FBXO38: variants seen among roughly 807,000 people sequenced by gnomAD.
FBXO38 encodes F-box protein 38.
In FBXO38, 53 loss-of-function variants were observed where a neutral mutation model predicts 131.9. The observed-to-expected ratio is 0.40, with a 90% CI of 0.32 to 0.51. FBXO38 has a LOEUF of 0.51. Ranked by LOEUF, FBXO38 falls within the 20% of genes least tolerant of loss-of-function variation. The pLI is 0.53. For synonymous variants in FBXO38, 452 were observed against 505.6 expected (o/e 0.89, Z 1.42); for missense variants, 1,076 against 1,475.6 (o/e 0.73, Z 4.44).
At chr5:148,436,653 G>T (rs1754362111) in intron 17 of FBXO38, among the ~76,000 whole-genome samples, 1 of 152,056 alleles carries the variant, frequency 6.6e-6, no homozygotes, top group Admixed American at 6.5e-5. Flanking sequence ...CCCATTAAAA[G>T]GTATTTACCA....
At chr5:148,425,726 T>C in intron 14 of FBXO38, 25 bp downstream of exon 14, 2 of 1,598,450 alleles carry the variant, frequency 1.3e-6, no homozygotes, top group Non-Finnish European at 1.7e-6. Flanking sequence ...TTCTCTGAAC[T>C]ATTAATGAGA....
chr5:148,403,073 T>C (rs1752251550), intron 5 of FBXO38, among the ~76,000 whole-genome samples: 1 of 152,134 alleles, frequency 6.6e-6, no homozygotes, highest in Non-Finnish European at 1.5e-5. Context: ...AGTAAAGATT[T>C]CTAGCAACCC....
chr5:148,428,507 G>T (rs997347422), intron 15 of FBXO38, among the ~76,000 whole-genome samples: 2 of 152,168 alleles, frequency 1.3e-5, no homozygotes, highest in Non-Finnish European at 2.9e-5. Context: ...AAACATATAT[G>T]TGTATTTAAT....
At chr5:148,387,915 C>A (rs947634543) in intron 1 of FBXO38, among the ~76,000 whole-genome samples, 2 of 152,122 alleles carry the variant, frequency 1.3e-5, no homozygotes, top group African/African-American at 4.8e-5. Flanking sequence ...TGGTCTCGAG[C>A]TCCTGACCTT....
intron 3 of FBXO38, among the ~76,000 whole-genome samples, chr5:148,401,319 T>C (rs1475191416): frequency 6.6e-6 from 1 of 152,158 alleles, no homozygotes; most frequent in Admixed American, 6.5e-5. Flanking sequence ...CCTACTATGG[T>C]CTCCTGGATA....
chr5:148,437,419 G>A (rs1428150896), intron 17 of FBXO38, among the ~76,000 whole-genome samples: 2 of 152,176 alleles, frequency 1.3e-5, no homozygotes. Flanking sequence ...GAAAATGAAC[G>A]TGAGAGGCGG....
Position 148,406,112 on chromosome 5 carries a change from T to G in FBXO38, c.731-145T>G, listed in dbSNP as rs986886211. The stretch of plus-strand genomic sequence containing the variant: ...ATGGTTAATAGGCTAACACTTTCAT[T>G]TGTAACAAGAACCTGATTTCAGAGA... On this transcript the variant is annotated intron_variant, in intron 6 of 21. Transcript: ENST00000340253. 4.2e-6 allele frequency: 3 copies of G among 708,550 alleles called. No homozygotes were observed. In the African/African-American group the frequency reaches 5.5e-5, roughly 13 times the overall value. The allele number at this position is 708,550 out of a possible 1,614,324, so 43.9% of individuals were successfully genotyped here.
In FBXO38 at chr5:148,438,470, G is replaced by A. The variant is rs764135152; in HGVS notation, c.2996G>A (p.Arg999His). The change falls in exon 18 of 22, where the codon CGC becomes CAC. Residue 999 changes from arginine (R) to histidine (H), a missense_variant. Transcript: ENST00000340253. ...CTAAGAATGCCACCCGAGAGAAACC[G>A]CATCATATACCTACGCCCAATGCAG... ...QILRMPPERN[R>H]IIYLRPMQQV... is the part of the protein sequence containing the mutation. 9 of 1,613,716 alleles carry A rather than the reference G, an allele frequency of 5.6e-6. No homozygotes were observed. The highest frequency in any genetic ancestry group is 4.5e-5 in the East Asian group (2 of 44,890).
chr5:148,408,506 A>G (rs1289393669), intron 7 of FBXO38, among the ~76,000 whole-genome samples: 1 of 152,252 alleles, frequency 6.6e-6, no homozygotes, highest in African/African-American at 2.4e-5. Flanking sequence ...AAATTGTGGC[A>G]TATTCATATA....
At chr5:148,424,812 G>A (rs1410309505) in intron 13 of FBXO38, among the ~76,000 whole-genome samples, 1 of 152,114 alleles carries the variant, frequency 6.6e-6, no homozygotes, top group Non-Finnish European at 1.5e-5. Flanking sequence ...TATTTATTGA[G>A]TGCCTACTCT....
At chr5:148,431,042 T>G (rs1021752642) in intron 15 of FBXO38, among the ~76,000 whole-genome samples, 2 of 152,366 alleles carry the variant, frequency 1.3e-5, no homozygotes, top group African/African-American at 2.4e-5. Flanking sequence ...TGTAATTTCT[T>G]GTTTTACTGT....
Position 148,442,155 on chromosome 5 carries a change from C to A in FBXO38, c.*8C>A. 6.2e-7 allele frequency: 1 copy of A among 1,611,684 alleles called. No homozygotes were observed. The highest frequency in any genetic ancestry group is 8.5e-7 in the Non-Finnish European group (1 of 1,178,228). On this transcript the variant is annotated 3_prime_UTR_variant, in exon 22 of 22. Transcript: ENST00000340253. ...GAAGATGACTACATTTAATTGGTCC[C>A]TCCTCCTTTCCAGCTATTTTGTCAG...
chr5:148,440,563 C>T (rs777650749), intron 20 of FBXO38, 36 bp downstream of exon 20: 2 of 1,257,964 alleles, frequency 1.6e-6, no homozygotes, highest in South Asian at 1.2e-5. Context: ...GTTAAATAGC[C>T]TGTGCAGTAC....
At chr5:148,439,006 G>GTC (rs1264350020) in intron 18 of FBXO38, among the ~76,000 whole-genome samples, 4 of 152,194 alleles carry the variant, frequency 2.6e-5, no homozygotes, top group African/African-American at 9.7e-5. Flanking sequence ...TGTAATCAGT[G>GTC]TGTAAGCCTG....
At chr5:148,416,165 C>T (rs1323532276) in intron 11 of FBXO38, 95 bp downstream of exon 11, 3 of 1,238,982 alleles carry the variant, frequency 2.4e-6, no homozygotes, top group African/African-American at 3.1e-5. Context: ...CAATGATATG[C>T]CTTTACGGTG....
chr5:148,398,655 C>T (rs1220212026), intron 2 of FBXO38, among the ~76,000 whole-genome samples: 1 of 151,476 alleles, frequency 6.6e-6, no homozygotes, highest in Admixed American at 6.6e-5. Context: ...GTTCCTTTCT[C>T]ATCACATCTT....
intron 17 of FBXO38, among the ~76,000 whole-genome samples, chr5:148,437,102 A>G (rs1231664198): frequency 6.6e-6 from 1 of 152,124 alleles, no homozygotes; most frequent in Non-Finnish European, 1.5e-5. Context: ...TCTTCTTTTT[A>G]CTTTGATGAT....
At chr5:148,419,995 TAA>T (rs2113601526) in intron 12 of FBXO38, among the ~76,000 whole-genome samples, 1 of 152,342 alleles carries the variant, frequency 6.6e-6, no homozygotes, top group African/African-American at 2.4e-5. Context: ...GATATTATCT[TAA>T]GTTTGTATTT....
chr5:148,394,939 A>G lies in FBXO38; in HGVS notation c.128+35A>G, dbSNP rs773626983. ...TGTTTGGTTGGCTTACCTGCCTGGA[A>G]TGGATAAGAGCAAACCCTGAGGCAG... On this transcript the variant is annotated intron_variant, in intron 2 of 21. Coordinates refer to ENST00000340253, the MANE Select transcript of FBXO38 (RefSeq NM_205836.3). The G allele has an allele frequency of 5.2e-6, 8 of 1,539,324 alleles. No homozygotes were observed. The East Asian group carries it at 7.3e-5, about 14-fold the overall frequency.
Sources: gnomAD v4.1 joint callset for allele counts (sites outside exome capture counted in the v4.1 genomes callset) on GRCh38, gnomAD v4.1.1 for gene constraint, MANE v1.5 for transcripts, NCBI Gene and HGNC (gene_info 2026-07-23, HGNC 2026-07-21) for gene names.